The following HS2ST1 variants were observed in gnomAD, a reference collection of about 807,000 sequenced individuals.
HS2ST1 encodes the protein heparan sulfate 2-O-sulfotransferase 1, also known as 2-O-sulfotransferase.
In HS2ST1, 18 loss-of-function variants were observed where a neutral mutation model predicts 42.9. The ratio of observed to expected loss-of-function variants is 0.42; its 90% CI spans 0.29 to 0.62. HS2ST1 has a LOEUF of 0.62. Among genes scored for constraint, HS2ST1 ranks in the 20% least tolerant of loss-of-function variants. HS2ST1 has a pLI of 0.21. For missense variants in HS2ST1, 334 were observed against 433.8 expected, an observed-to-expected ratio of 0.77 and a Z score of 2.04; for synonymous variants, 146 against 152.9, an observed-to-expected ratio of 0.95 and a Z score of 0.33.
intron 1 of HS2ST1, among the ~76,000 whole-genome samples, chr1:87,001,207 T>C (rs980503694): frequency 1.4e-4 from 21 of 152,200 alleles, no homozygotes; most frequent in African/African-American, 5.1e-4. Context: ...TGTGAATACC[T>C]TTGGATTTAC....
chr1:86,938,122 C>T (rs1166497125), intron 1 of HS2ST1, among the ~76,000 whole-genome samples: 2 of 152,066 alleles, frequency 1.3e-5, no homozygotes, highest in Non-Finnish European at 2.9e-5. Flanking sequence ...ATGTTGATTT[C>T]TTCTTATTTA....
chr1:87,004,598 A>G (rs1649384231), intron 1 of HS2ST1, among the ~76,000 whole-genome samples: 1 of 152,198 alleles, frequency 6.6e-6, no homozygotes, highest in Admixed American at 6.5e-5. Flanking sequence ...AGTCACTGTC[A>G]TCTGAAGAAT....
At chr1:87,021,609 G>T (rs1446090687) in intron 1 of HS2ST1, among the ~76,000 whole-genome samples, 2 of 152,046 alleles carry the variant, frequency 1.3e-5, no homozygotes, top group African/African-American at 2.4e-5. Context: ...TGAGTTTCCG[G>T]GCTCAAGGGA....
At chr1:87,098,897 A>G (rs999477051) in intron 5 of HS2ST1, among the ~76,000 whole-genome samples, 2 of 152,118 alleles carry the variant, frequency 1.3e-5, no homozygotes, top group African/African-American at 2.4e-5. Context: ...CTTCTGTCTC[A>G]GCCTCCCGAA....
chr1:87,044,625 A>C (rs1451980035), intron 1 of HS2ST1, among the ~76,000 whole-genome samples: 1 of 152,226 alleles, frequency 6.6e-6, no homozygotes, highest in Non-Finnish European at 1.5e-5. Flanking sequence ...AATATTTTGA[A>C]ACTGTTAATG....
chr1:86,981,005 G>A (rs1648562621), intron 1 of HS2ST1, among the ~76,000 whole-genome samples: 1 of 152,136 alleles, frequency 6.6e-6, no homozygotes, highest in South Asian at 2.1e-4. Context: ...TTGACATACA[G>A]TTCCACATGG....
chr1:87,082,734 TTC>T (rs2100643176), intron 2 of HS2ST1, among the ~76,000 whole-genome samples: 1 of 152,356 alleles, frequency 6.6e-6, no homozygotes, highest in Admixed American at 6.5e-5. Context: ...TATATTTTGT[TTC>T]TGTTTCATTT....
chr1:86,931,248 A>C (rs896509594), intron 1 of HS2ST1, among the ~76,000 whole-genome samples: 5 of 152,080 alleles, frequency 3.3e-5, no homozygotes, highest in Non-Finnish European at 5.9e-5. Context: ...TTGTCCTGAA[A>C]AAGAGTTGAA....
At chr1:87,065,208 G>A (rs1007170880) in intron 1 of HS2ST1, among the ~76,000 whole-genome samples, 19 of 152,132 alleles carry the variant, frequency 1.2e-4, no homozygotes, top group African/African-American at 4.1e-4. Context: ...TGAGTTACAC[G>A]TCAGAGCAGT....
chr1:86,982,852 T>C (rs1435033705), intron 1 of HS2ST1, among the ~76,000 whole-genome samples: 2 of 152,210 alleles, frequency 1.3e-5, no homozygotes, highest in Non-Finnish European at 1.5e-5. Context: ...CTTAGAAATT[T>C]ATTCTGTCAG....
In HS2ST1 at chr1:87,105,884, A is replaced by G. The variant is rs577305573; in HGVS notation, c.*1188A>G. The G allele has an allele frequency of 2.0e-5, 3 of 152,594 alleles. No homozygotes were observed. The South Asian group carries it at 6.2e-4, about 32-fold the overall frequency. 9.5% of individuals were successfully genotyped at this position (152,594 alleles called of 1,614,324 possible). On this transcript the variant is annotated 3_prime_UTR_variant, in exon 7 of 7. Coordinates refer to ENST00000370550, the MANE Select transcript of HS2ST1 (RefSeq NM_012262.4). ...GTAATTACAGTGGAATGAGTACTGG[A>G]CAAGGAGTCAAAAAACTTGATTTCA...
intron 1 of HS2ST1, among the ~76,000 whole-genome samples, chr1:86,939,317 T>C (rs1660718161): frequency 6.6e-6 from 1 of 152,236 alleles, no homozygotes; most frequent in Admixed American, 6.5e-5. Context: ...CATTGTCCTT[T>C]TGGCTTATTT....
chr1:87,044,333 A>G (rs1650592334), intron 1 of HS2ST1, among the ~76,000 whole-genome samples: 1 of 152,154 alleles, frequency 6.6e-6, no homozygotes, highest in Non-Finnish European at 1.5e-5. Flanking sequence ...TTTACAAAAC[A>G]TCAACTATAA....
intron 1 of HS2ST1, among the ~76,000 whole-genome samples, chr1:86,922,850 C>G (rs1003119662): frequency 6.6e-6 from 1 of 152,066 alleles, no homozygotes; most frequent in Non-Finnish European, 1.5e-5. Context: ...TGTTGAGCTT[C>G]TTGGATCTGT....
chr1:86,955,310 A>G (rs1647645555), intron 1 of HS2ST1, among the ~76,000 whole-genome samples: 2 of 152,198 alleles, frequency 1.3e-5, no homozygotes, highest in Non-Finnish European at 2.9e-5. Context: ...CGTGAGGTGC[A>G]GGCCAGCATT....
intron 1 of HS2ST1, among the ~76,000 whole-genome samples, chr1:86,980,504 G>A (rs1172939140): frequency 6.6e-6 from 1 of 151,830 alleles, no homozygotes; most frequent in Admixed American, 6.6e-5. Context: ...TTTCTTCAGT[G>A]TGCATATATT....
chr1:86,999,345 A>G (rs755618477), intron 1 of HS2ST1, among the ~76,000 whole-genome samples: 2 of 151,766 alleles, frequency 1.3e-5, no homozygotes, highest in Non-Finnish European at 2.9e-5. Context: ...TGCCCAGCTA[A>G]TTTTGTATTT....
chr1:86,975,842 AG>A (rs947986713), intron 1 of HS2ST1, among the ~76,000 whole-genome samples: 7 of 152,318 alleles, frequency 4.6e-5, no homozygotes, highest in Non-Finnish European at 8.8e-5. Context: ...GCCTATTTTA[AG>A]GGTGAAGTAC....
intron 1 of HS2ST1, among the ~76,000 whole-genome samples, chr1:86,999,883 G>C (rs1201240403): frequency 6.6e-6 from 1 of 152,092 alleles, no homozygotes; most frequent in Non-Finnish European, 1.5e-5. Context: ...TTGTACTTCT[G>C]ATAATAAAGT....
Sources: gnomAD v4.1 joint callset for allele counts (sites outside exome capture counted in the v4.1 genomes callset) on GRCh38, gnomAD v4.1.1 for gene constraint, MANE v1.5 for transcripts, NCBI Gene and HGNC (gene_info 2026-07-23, HGNC 2026-07-21) for gene names.